Variants in PCDHGB2 observed in about 807,000 individuals in gnomAD.
The protein encoded by PCDHGB2 is protocadherin gamma subfamily B, 2.
A neutral mutation model predicts 59.3 loss-of-function variants in PCDHGB2; 55 were observed. That is an observed-to-expected ratio of 0.93 (90% CI 0.75 to 1.16). PCDHGB2 has a LOEUF of 1.16. PCDHGB2 is among the 50% of genes most tolerant of loss of function. The probability of loss-of-function intolerance (pLI) is 0.00; values close to 1 mark genes in which losing one functional copy is unlikely to be tolerated. For synonymous variants in PCDHGB2, 516 were observed against 512.0 expected, an observed-to-expected ratio of 1.01 and a Z score of -0.11; for missense variants, 1,228 against 1,198.5, an observed-to-expected ratio of 1.02 and a Z score of -0.36.
intron 1 of PCDHGB2, chr5:141,416,811 A>C (rs1355425793): frequency 2.6e-5 from 4 of 152,188 alleles, no homozygotes; most frequent in Non-Finnish European, 5.9e-5. Context: ...AAAGTCAAAA[A>C]GCATTCCGAA....
intron 1 of PCDHGB2, chr5:141,374,366 C>T: frequency 6.2e-7 from 1 of 1,614,052 alleles, no homozygotes; most frequent in Non-Finnish European, 8.5e-7. Flanking sequence ...CCGCGAGGAG[C>T]TCTGTGCTCA....
chr5:141,467,781 C>T (rs2099151581), intron 1 of PCDHGB2, among the ~76,000 whole-genome samples: 1 of 152,228 alleles, frequency 6.6e-6, no homozygotes, highest in South Asian at 2.1e-4. Context: ...ACCTCAGCCT[C>T]TCAAGTAGCT....
intron 1 of PCDHGB2, chr5:141,418,920 A>G: frequency 6.2e-7 from 1 of 1,613,992 alleles, no homozygotes; most frequent in Non-Finnish European, 8.5e-7. Flanking sequence ...TCACTCTCTG[A>G]TCAGATTATG....
At position 141,375,636 on chromosome 5, in the gene PCDHGB2, G is replaced by C. The variant is rs1448632834; in HGVS notation, c.2421+13080G>C. On this transcript the variant is annotated intron_variant, in intron 1 of 3. Transcript: ENST00000522605. ...GACACTGGGATTCTGTACGCCCTGC[G>C]CTCCTTCGACTATGAGCAGTTGAGA... The C allele has an allele frequency of 6.2e-6, 10 of 1,614,064 alleles. No individual in the cohort carries two copies. Among genetic ancestry groups the C allele is most frequent in the Non-Finnish European group, 8.5e-6 (10 of 1,180,044 alleles).
intron 1 of PCDHGB2, among the ~76,000 whole-genome samples, chr5:141,368,919 AG>A (rs1297427818): frequency 1.3e-5 from 2 of 152,176 alleles, no homozygotes; most frequent in Non-Finnish European, 2.9e-5. Flanking sequence ...GGTGACAATG[AG>A]TGTCTGTCTA....
At position 141,421,588 on chromosome 5, in the gene PCDHGB2, G is replaced by C; in HGVS notation, c.2421+59032G>C. 3 of 1,613,910 alleles carry C rather than the reference G, an allele frequency of 1.9e-6. No homozygotes were observed. The South Asian group carries it at 3.3e-5, about 18-fold the overall frequency. ...AGACACCTTGAAGATTTACGGAGTGGAGGTGGAAATAATAGATATTAATGA... is the reference window on the plus strand; with the variant it reads ...AGACACCTTGAAGATTTACGGAGTGCAGGTGGAAATAATAGATATTAATGA... On this transcript the variant is annotated intron_variant, in intron 1 of 3. Coordinates refer to ENST00000522605, the MANE Select transcript of PCDHGB2 (RefSeq NM_018923.3).
Position 141,389,558 on chromosome 5 carries a change from A to G in PCDHGB2, c.2421+27002A>G, listed in dbSNP as rs778077135. 14 of 1,613,148 alleles carry G rather than the reference A, an allele frequency of 8.7e-6. No individual in the cohort carries two copies. The East Asian group carries it at 8.9e-5, about 10-fold the overall frequency. ...TGGACGACCGCAACGACAATGCGCC[A>G]CGGGTGCTGTACCCCGCGCTGGGTC... On this transcript the variant is annotated intron_variant, in intron 1 of 3. Transcript: ENST00000522605.
chr5:141,366,069 G>C, intron 1 of PCDHGB2: 2 of 1,614,216 alleles, frequency 1.2e-6, no homozygotes, highest in Non-Finnish European at 1.7e-6. Flanking sequence ...CTGGCGCCTC[G>C]CTCCGCAGAA....
At chr5:141,494,514 G>T (rs1457018569) in intron 1 of PCDHGB2, among the ~76,000 whole-genome samples, 2 of 152,160 alleles carry the variant, frequency 1.3e-5, no homozygotes, top group South Asian at 2.1e-4. Context: ...TTTTGGCTCA[G>T]GAGTTCTGAC....
At chr5:141,383,058 G>A (rs1289702805) in intron 1 of PCDHGB2, 1 of 1,613,912 alleles carries the variant, frequency 6.2e-7, no homozygotes, top group East Asian at 2.2e-5. Context: ...AGGACCTGGG[G>A]CTGGAGCCCC....
At chr5:141,430,100 C>T (rs6874907) in intron 1 of PCDHGB2, among the ~76,000 whole-genome samples, 7,606 of 152,160 alleles carry the variant, frequency 0.05, 372 homozygotes, top group African/African-American at 0.13. Context: ...GATTTTTAAG[C>T]GTTACATGTC....
chr5:141,488,793 C>G (rs1274193018), intron 1 of PCDHGB2, among the ~76,000 whole-genome samples: 1 of 152,172 alleles, frequency 6.6e-6, no homozygotes, highest in African/African-American at 2.4e-5. Context: ...TTTGTCTTCC[C>G]TGTTGAGTAC....
chr5:141,390,111 G>C (rs2092051894), intron 1 of PCDHGB2: 5 of 1,614,054 alleles, frequency 3.1e-6, no homozygotes, highest in Non-Finnish European at 4.2e-6. Flanking sequence ...CAACTACAGC[G>C]AGGGGACTTT....
intron 1 of PCDHGB2, chr5:141,419,785 G>A (rs1268841728): frequency 1.2e-6 from 2 of 1,613,934 alleles, no homozygotes; most frequent in Non-Finnish European, 1.7e-6. Flanking sequence ...GCCAGCGCCT[G>A]CTAGTCGCTG....
Position 141,360,234 on chromosome 5 carries a change from C to T in PCDHGB2, c.99C>T (p.Ile33=), listed in dbSNP as rs774582698. The T allele has an allele frequency of 3.1e-6, 5 of 1,613,870 alleles. No individual in the cohort carries two copies. The South Asian group carries it at 5.5e-5, about 18-fold the overall frequency. Residue 33 remains isoleucine, a synonymous_variant, in exon 1 of 4, where the codon ATC becomes ATT. Transcript: ENST00000522605. ...TCCCCGGGGCTCTCCCAGTCCAGAT[C>T]CGCTATTCAATTCCAGAGGAGCTGG... ...SLFPGALPVQ[I]RYSIPEELAK... is the part of the protein sequence containing the mutation.
Position 141,511,451 on chromosome 5 carries a change from A to G in PCDHGB2, c.*278A>G, listed in dbSNP as rs2099883797. On this transcript the variant is annotated 3_prime_UTR_variant, in exon 4 of 4. Coordinates refer to ENST00000522605, the MANE Select transcript of PCDHGB2 (RefSeq NM_018923.3). ...GGGGTTACTGTAGACACCAAGAACC[A>G]TTTGCCACACCCCGTTTAGTTACAG... is the stretch of plus-strand genomic sequence containing the variant. The G allele has an allele frequency of 4.9e-6, 3 of 606,372 alleles. No homozygotes were observed. Among genetic ancestry groups the G allele is most frequent in the Non-Finnish European group, 8.1e-6 (3 of 368,942 alleles). The allele number at this position is 606,372 out of a possible 1,614,324, so 37.6% of individuals were successfully genotyped here.
In PCDHGB2 at chr5:141,485,972, T is replaced by G; in HGVS notation, c.2422-8835T>G. ...CATGGTGCTCATCCAGCTCAATGCC[T>G]CAGACCCGGACCTGGGTCCCAGTGG... On this transcript the variant is annotated intron_variant, in intron 1 of 3. Transcript: ENST00000522605. The surrounding 1 kb of genome is among the most constrained non-coding windows in gnomAD (Gnocchi z 5.7). 1 of 1,614,184 alleles carries G rather than the reference T, an allele frequency of 6.2e-7. No individual in the cohort carries two copies. Among genetic ancestry groups the G allele is most frequent in the Non-Finnish European group, 8.5e-7 (1 of 1,180,022 alleles).
At chr5:141,430,841 T>C (rs757539834) in intron 1 of PCDHGB2, 1 of 1,566,462 alleles carries the variant, frequency 6.4e-7, no homozygotes, top group South Asian at 1.2e-5. Flanking sequence ...GGAGACCGGA[T>C]GCACCCAGAT....
intron 1 of PCDHGB2, among the ~76,000 whole-genome samples, chr5:141,363,610 T>C (rs561380927): frequency 6.6e-6 from 1 of 152,382 alleles, no homozygotes; most frequent in Admixed American, 6.5e-5. Context: ...CTGTCTGAGA[T>C]AGTGGAGAGA....
Sources: gnomAD v4.1 joint callset for allele counts (sites outside exome capture counted in the v4.1 genomes callset) on GRCh38, gnomAD v4.1.1 for gene constraint, Gnocchi (gnomAD v3.1) non-coding constraint, MANE v1.5 for transcripts, NCBI Gene and HGNC (gene_info 2026-07-23, HGNC 2026-07-21) for gene names.